The following KCNG3 variants were observed in gnomAD, a reference collection of about 807,000 sequenced individuals.
KCNG3 encodes voltage-gated potassium channel regulatory subunit KCNG3.
A neutral mutation model predicts 29.0 loss-of-function variants in KCNG3; 15 were observed. The ratio of observed to expected loss-of-function variants is 0.52; its 90% CI spans 0.35 to 0.80. KCNG3 has a LOEUF of 0.80. KCNG3 is among the 30% of genes least tolerant of loss of function. The pLI is 0.01. For synonymous variants in KCNG3, 322 were observed against 248.9 expected, an observed-to-expected ratio of 1.29 and a Z score of -2.76; for missense variants, 512 against 605.7, an observed-to-expected ratio of 0.85 and a Z score of 1.62.
At chr2:42,416,504 C>A in the KCNG3 span, among the ~76,000 whole-genome samples, 2 of 152,022 alleles carry the variant, frequency 1.3e-5, no homozygotes, top group Non-Finnish European at 2.9e-5. Flanking sequence ...ACAAAATAAC[C>A]AGATTTTGAA....
At chr2:42,391,519 G>A in the KCNG3 span, among the ~76,000 whole-genome samples, 6 of 150,508 alleles carry the variant, frequency 4.0e-5, no homozygotes, top group Non-Finnish European at 5.9e-5. Flanking sequence ...TGAGAAAGCT[G>A]TCCTTCCCAG....
the KCNG3 span, among the ~76,000 whole-genome samples, chr2:42,392,533 G>A: frequency 1.3e-5 from 2 of 152,068 alleles, no homozygotes; most frequent in African/African-American, 2.4e-5. Flanking sequence ...TCCTACTGCT[G>A]GCAGCATAGA....
chr2:42,466,495 T>C (rs995834301), intron 1 of KCNG3, among the ~76,000 whole-genome samples: 1 of 152,238 alleles, frequency 6.6e-6, no homozygotes, highest in Admixed American at 6.5e-5. Flanking sequence ...CAGTAGATTC[T>C]GCATAAGCTT....
chr2:42,415,921 G>A, the KCNG3 span, among the ~76,000 whole-genome samples: 17 of 152,278 alleles, frequency 1.1e-4, no homozygotes, highest in South Asian at 1.7e-3. Context: ...GAGGCCGGGC[G>A]CAGTGGCTCA....
the KCNG3 span, among the ~76,000 whole-genome samples, chr2:42,409,426 G>A: frequency 1.3e-5 from 2 of 151,658 alleles, no homozygotes; most frequent in African/African-American, 4.9e-5. Flanking sequence ...TTTTAAGGCT[G>A]GGCGAGTTGG....
At chr2:42,431,447 A>T in the KCNG3 span, among the ~76,000 whole-genome samples, 4 of 152,326 alleles carry the variant, frequency 2.6e-5, no homozygotes, top group South Asian at 8.3e-4. Context: ...AACATTCACA[A>T]GATTTATTTA....
intron 1 of KCNG3, among the ~76,000 whole-genome samples, chr2:42,492,024 A>C (rs1431984491): frequency 1.3e-5 from 2 of 152,196 alleles, no homozygotes; most frequent in African/African-American, 4.8e-5. Flanking sequence ...AAGTGCTATC[A>C]CCACTTCAAG....
At chr2:42,436,729 C>A in the KCNG3 span, among the ~76,000 whole-genome samples, 1 of 152,188 alleles carries the variant, frequency 6.6e-6, no homozygotes, top group Admixed American at 6.5e-5. Context: ...CCAGCTACCC[C>A]TTAGAAAACT....
At chr2:42,429,263 G>A in the KCNG3 span, among the ~76,000 whole-genome samples, 1 of 152,202 alleles carries the variant, frequency 6.6e-6, no homozygotes, top group Non-Finnish European at 1.5e-5. Flanking sequence ...AACTTTAAGT[G>A]TAGATACCAA....
chr2:42,432,313 T>C, the KCNG3 span, among the ~76,000 whole-genome samples: 1 of 152,204 alleles, frequency 6.6e-6, no homozygotes, highest in African/African-American at 2.4e-5. Flanking sequence ...AAGTCCTGTT[T>C]TTGGAATACC....
the KCNG3 span, among the ~76,000 whole-genome samples, chr2:42,433,590 T>C: frequency 6.6e-6 from 1 of 151,992 alleles, no homozygotes; most frequent in African/African-American, 2.4e-5. Flanking sequence ...AATACAAAAA[T>C]TAGCCAGGCG....
the KCNG3 span, among the ~76,000 whole-genome samples, chr2:42,426,342 G>A: frequency 2.6e-5 from 4 of 152,006 alleles, no homozygotes; most frequent in East Asian, 1.9e-4. Flanking sequence ...TTCCTAAAAC[G>A]CCTACCAAAC....
chr2:42,454,762 G>A (rs1310290412), intron 1 of KCNG3, among the ~76,000 whole-genome samples: 1 of 151,594 alleles, frequency 6.6e-6, no homozygotes, highest in Non-Finnish European at 1.5e-5. Context: ...GAACCTTGAA[G>A]ACATTACGTT....
At chr2:42,417,570 T>A in the KCNG3 span, among the ~76,000 whole-genome samples, 1 of 152,140 alleles carries the variant, frequency 6.6e-6, no homozygotes, top group African/African-American at 2.4e-5. Flanking sequence ...GATCTGCCGA[T>A]CTCAGCCTCC....
chr2:42,389,841 T>C, the KCNG3 span, among the ~76,000 whole-genome samples: 1 of 152,264 alleles, frequency 6.6e-6, no homozygotes, highest in South Asian at 2.1e-4. Context: ...TTAAATCTTA[T>C]TTGTTATCAA....
At chr2:42,421,949 T>C in the KCNG3 span, among the ~76,000 whole-genome samples, 6 of 152,318 alleles carry the variant, frequency 3.9e-5, no homozygotes, top group South Asian at 1.0e-3. Flanking sequence ...CATATAGTCA[T>C]TGGTAACCAA....
chr2:42,406,826 CAAAAA>C, the KCNG3 span, among the ~76,000 whole-genome samples: 5 of 113,668 alleles, frequency 4.4e-5, no homozygotes, highest in Non-Finnish European at 5.6e-5. Flanking sequence ...GACTCCTTCT[CAAAAA>C]AAAAAAAAAA....
Position 42,493,028 on chromosome 2 carries a change from C to T in KCNG3, c.474G>A (p.Arg158=). ...ACGACGTGGGCTCCTCGAAGGTCCGCCGCATGCGCTCCAGCCAGCGCCTGG... is the reference window on the plus strand; with the variant it reads ...ACGACGTGGGCTCCTCGAAGGTCCGTCGCATGCGCTCCAGCCAGCGCCTGG... ...APSRRWLERM[R]RTFEEPTSSL... is the part of the protein sequence containing the mutation. The change falls in exon 1 of 2, where the codon CGG becomes CGA. Residue 158 remains arginine (R), a synonymous_variant. Transcript: ENST00000306078. 3 of 1,521,832 alleles carry T rather than the reference C, an allele frequency of 2.0e-6. No individual in the cohort carries two copies. Among genetic ancestry groups the T allele is most frequent in the Non-Finnish European group, 2.6e-6 (3 of 1,139,434 alleles). The allele number at this position is 1,521,832 out of a possible 1,614,324, so 94.3% of individuals were successfully genotyped here.
chr2:42,390,220 G>C, the KCNG3 span, among the ~76,000 whole-genome samples: 1 of 152,056 alleles, frequency 6.6e-6, no homozygotes, highest in Non-Finnish European at 1.5e-5. Context: ...ATCTTATTTA[G>C]TTCATTCTTT....
Sources: allele counts gnomAD v4.1 joint callset (sites outside exome capture counted in the v4.1 genomes callset), GRCh38; gene constraint gnomAD v4.1.1; transcripts MANE v1.5; gene names NCBI Gene and HGNC (gene_info 2026-07-23, HGNC 2026-07-21).